Variants in CFAP61 observed in about 807,000 individuals in gnomAD.
CFAP61 encodes the protein cilia- and flagella-associated protein 61.
CFAP61 carries 107 observed loss-of-function variants against 135.6 expected under a neutral mutation model. That is an observed-to-expected ratio of 0.79 (90% confidence interval 0.67 to 0.93). The LOEUF (loss-of-function observed/expected upper bound fraction) is 0.93. CFAP61 is among the 40% of genes least tolerant of loss of function. The probability of loss-of-function intolerance (pLI) is 0.00; values close to 1 mark genes in which losing one functional copy is unlikely to be tolerated. For synonymous variants in CFAP61, 575 were observed against 578.5 expected (o/e 0.99, Z 0.09); for missense variants, 1,507 against 1,556.2 (o/e 0.97, Z 0.53).
At chr20:20,260,661 C>G (rs758095823) in intron 20 of CFAP61, among the ~76,000 whole-genome samples, 2 of 152,166 alleles carry the variant, frequency 1.3e-5, no homozygotes, top group African/African-American at 2.4e-5. Flanking sequence ...CAATTTGGAC[C>G]TTATTCTTTT....
intron 2 of CFAP61, chr20:20,069,844 C>T (rs759115919): frequency 3.2e-5 from 14 of 431,770 alleles, no homozygotes; most frequent in Middle Eastern, 3.4e-4. Context: ...ATCTCCTCTC[C>T]GCCTCTTCCT....
At chr20:20,254,475 C>T (rs1241850125) in intron 20 of CFAP61, among the ~76,000 whole-genome samples, 3 of 151,902 alleles carry the variant, frequency 2.0e-5, no homozygotes, top group Admixed American at 6.6e-5. Context: ...GCCCAGCTGC[C>T]CCTGCAGCTT....
intron 7 of CFAP61, among the ~76,000 whole-genome samples, chr20:20,091,514 TC>T (rs1178984253): frequency 1.3e-3 from 205 of 152,182 alleles, no homozygotes; most frequent in African/African-American, 4.6e-3. Flanking sequence ...TGGCTCTCTC[TC>T]TCTCTCTCAT....
chr20:20,082,692 A>AT (rs1443372463), intron 6 of CFAP61, among the ~76,000 whole-genome samples: 1 of 152,222 alleles, frequency 6.6e-6, no homozygotes, highest in Non-Finnish European at 1.5e-5. Flanking sequence ...TTCTTTGTTG[A>AT]TAACAATGGT....
At chr20:20,225,165 T>C (rs1339850088) in intron 17 of CFAP61, 1 of 152,170 alleles carries the variant, frequency 6.6e-6, no homozygotes, top group Non-Finnish European at 1.5e-5. Context: ...AAACCCTTCA[T>C]AAAGCAGCAG....
chr20:20,325,710 A>G (rs1408832386), intron 25 of CFAP61, among the ~76,000 whole-genome samples: 1 of 152,150 alleles, frequency 6.6e-6, no homozygotes, highest in Non-Finnish European at 1.5e-5. Context: ...TAAGTTTTCA[A>G]CTCTTTTGGG....
intron 22 of CFAP61, among the ~76,000 whole-genome samples, chr20:20,279,763 C>A (rs1278169226): frequency 6.6e-6 from 1 of 152,202 alleles, no homozygotes; most frequent in African/African-American, 2.4e-5. Flanking sequence ...CTGTTATATT[C>A]TTTCTCCTAC....
chr20:20,060,671 T>C (rs1040329023), intron 2 of CFAP61, among the ~76,000 whole-genome samples: 2 of 152,226 alleles, frequency 1.3e-5, no homozygotes, highest in African/African-American at 4.8e-5. Context: ...TAGTCTGTTC[T>C]CACAAAGAAT....
At chr20:20,259,473 A>G (rs2051985016) in intron 20 of CFAP61, among the ~76,000 whole-genome samples, 1 of 144,740 alleles carries the variant, frequency 6.9e-6, no homozygotes, top group African/African-American at 2.6e-5. Flanking sequence ...GAGATCTCCC[A>G]TGTTTCCCAG....
At chr20:20,304,299 T>TGTGTGC (rs2056311623) in intron 25 of CFAP61, among the ~76,000 whole-genome samples, 1 of 149,746 alleles carries the variant, frequency 6.7e-6, no homozygotes, top group Non-Finnish European at 1.5e-5. Flanking sequence ...TGTGTGTGTG[T>TGTGTGC]GTGTGAGAGA....
intron 17 of CFAP61, chr20:20,225,418 T>C (rs16981717): frequency 6.6e-6 from 1 of 152,148 alleles, no homozygotes; most frequent in South Asian, 2.1e-4. Flanking sequence ...TTGGTACTGG[T>C]TGCCTGCTCT....
At chr20:20,163,443 T>C (rs940415380) in intron 10 of CFAP61, among the ~76,000 whole-genome samples, 1 of 152,086 alleles carries the variant, frequency 6.6e-6, no homozygotes, top group African/African-American at 2.4e-5. Context: ...GACAGAGGGA[T>C]TTTGCTTCTG....
chr20:20,347,598 C>G (rs1162400204), intron 26 of CFAP61, among the ~76,000 whole-genome samples: 2 of 152,062 alleles, frequency 1.3e-5, no homozygotes, highest in Non-Finnish European at 2.9e-5. Flanking sequence ...AATTATTTGC[C>G]AACCAATTAC....
intron 25 of CFAP61, among the ~76,000 whole-genome samples, chr20:20,328,965 C>A (rs1457875020): frequency 6.6e-6 from 1 of 152,148 alleles, no homozygotes; most frequent in African/African-American, 2.4e-5. Context: ...ATCAAGAAAC[C>A]CCTTGGGACC....
At chr20:20,351,406 C>T (rs1239849296) in intron 26 of CFAP61, among the ~76,000 whole-genome samples, 1 of 152,010 alleles carries the variant, frequency 6.6e-6, no homozygotes, top group Non-Finnish European at 1.5e-5. Context: ...CATGGTGAAA[C>T]CCCATCTCTA....
At chr20:20,354,992 C>G (rs1483106530) in intron 26 of CFAP61, among the ~76,000 whole-genome samples, 2 of 133,106 alleles carry the variant, frequency 1.5e-5, no homozygotes, top group Non-Finnish European at 3.1e-5. Context: ...GGTGGTCACA[C>G]TGAGGGGAGA....
At chr20:20,354,069 C>G (rs6137003) in intron 26 of CFAP61, among the ~76,000 whole-genome samples, 2 of 152,002 alleles carry the variant, frequency 1.3e-5, no homozygotes, top group African/African-American at 4.8e-5. Context: ...TGAAATGAAC[C>G]TAAGTGTTCA....
At chr20:20,205,436 A>G (rs1473439786) in intron 17 of CFAP61, among the ~76,000 whole-genome samples, 1 of 152,242 alleles carries the variant, frequency 6.6e-6, no homozygotes, top group Non-Finnish European at 1.5e-5. Context: ...GTCTTTAACT[A>G]CTACAGATAT....
At chr20:20,089,371 A>C (rs2047018783) in intron 6 of CFAP61, among the ~76,000 whole-genome samples, 3 of 151,510 alleles carry the variant, frequency 2.0e-5, no homozygotes, top group African/African-American at 7.3e-5. Context: ...AATCATCTGG[A>C]TAAAGCCCTG....
Sources: gnomAD v4.1 joint callset for allele counts (sites outside exome capture counted in the v4.1 genomes callset) on GRCh38, gnomAD v4.1.1 for gene constraint, MANE v1.5 for transcripts, NCBI Gene and HGNC (gene_info 2026-07-23, HGNC 2026-07-21) for gene names.